Variants in TAOK2 observed in about 807,000 individuals in gnomAD.
TAOK2 encodes serine/threonine-protein kinase TAO2.
A neutral mutation model predicts 122.5 loss-of-function variants in TAOK2; 42 were observed. That is an observed-to-expected ratio of 0.34 (90% confidence interval 0.27 to 0.44). The LOEUF is 0.44. Ranked by LOEUF, TAOK2 falls within the 20% of genes least tolerant of loss-of-function variation. TAOK2 has a pLI of 1.00. For synonymous variants in TAOK2, 704 were observed against 677.6 expected, an observed-to-expected ratio of 1.04 and a Z score of -0.61; for missense variants, 1,264 against 1,644.9, an observed-to-expected ratio of 0.77 and a Z score of 4.01.
rs2150900567 is a variant in TAOK2, at chr16:29,985,594, T to C, written c.1788+16T>C. ...GCTGAAGGAGGTGAGCTAGGGCTGC[T>C]TGGGGGCGGAGCCGATGGCGAGCCA... On this transcript the variant is annotated intron_variant, in intron 14 of 15. Coordinates refer to ENST00000308893, the MANE Select transcript of TAOK2 (RefSeq NM_016151.4). The surrounding 1 kb of genome is among the most constrained non-coding windows in gnomAD (Gnocchi z 6.9). The C allele has an allele frequency of 1.2e-6, 2 of 1,602,780 alleles. No individual in the cohort carries two copies. Among genetic ancestry groups the C allele is most frequent in the Non-Finnish European group, 1.7e-6 (2 of 1,172,214 alleles).
At chr16:29,990,769 G>A, downstream of TAOK2, 2 of 1,597,050 alleles carry the variant, frequency 1.3e-6, no homozygotes, top group Non-Finnish European at 8.6e-7. Context: ...ACAACTGGTT[G>A]TTCATCTTCC....
chr16:29,978,906 G>T lies in TAOK2; in HGVS notation c.352+62G>T, dbSNP rs2069536905. ...AAGAGCAGGGGAGCCATAGGGAAGGGTTAAGGGGAGTTTATTCCAGTCCCA... is the reference window on the plus strand; with the variant it reads ...AAGAGCAGGGGAGCCATAGGGAAGGTTTAAGGGGAGTTTATTCCAGTCCCA... On this transcript the variant is annotated intron_variant, in intron 5 of 15. Coordinates refer to ENST00000308893, the MANE Select transcript of TAOK2 (RefSeq NM_016151.4). 8 of 1,613,440 alleles carry T rather than the reference G, an allele frequency of 5.0e-6. No individual in the cohort carries two copies. In the Admixed American group the frequency reaches 8.3e-5, roughly 17 times the overall value.
chr16:29,986,521 G>A lies in TAOK2; in HGVS notation c.2249G>A (p.Arg750His), dbSNP rs767834118. The change falls in exon 16 of 16, where the codon CGC (arginine) becomes CAC (histidine). Residue 750 changes from arginine to histidine, a missense_variant. Arg to His is a conservative substitution (Grantham distance 29). Coordinates refer to ENST00000308893, the MANE Select transcript of TAOK2 (RefSeq NM_016151.4). The surrounding 1 kb of genome is among the most constrained non-coding windows in gnomAD (Gnocchi z 4.2). ...PKSLKVRAGQRPPGLPLPIPG... is the reference protein window; with the variant it reads ...PKSLKVRAGQHPPGLPLPIPG... Reference sequence around the variant, plus strand: ...AGCCTCAAAGTACGTGCAGGCCAGCGCCCCCCGGGCCTTCCACTCCCCATT... The same window carrying A: ...AGCCTCAAAGTACGTGCAGGCCAGCACCCCCCGGGCCTTCCACTCCCCATT... 4.5e-5 allele frequency: 72 copies of A among 1,611,462 alleles called. No homozygotes were observed. The highest frequency in any genetic ancestry group is 5.8e-5 in the Non-Finnish European group (68 of 1,178,826).
At position 29,977,839 on chromosome 16, in the gene TAOK2, G is replaced by T; in HGVS notation, c.67G>T (p.Asp23Tyr). The T allele has an allele frequency of 6.2e-7, 1 of 1,614,192 alleles. No homozygotes were observed. Among genetic ancestry groups the T allele is most frequent in the South Asian group, 1.1e-5 (1 of 91,072 alleles). The change falls in exon 2 of 16, where the codon GAC becomes TAC. Residue 23 changes from aspartate to tyrosine, a missense_variant. This residue lies in a region of TAOK2 where 254 missense variants were observed against 503.8 expected (regional missense o/e 0.50). Coordinates refer to ENST00000308893, the MANE Select transcript of TAOK2 (RefSeq NM_016151.4). Reference protein sequence around the residue: ...PDVAELFFKDDPEKLFSDLRE... With the variant: ...PDVAELFFKDYPEKLFSDLRE... Reference sequence around the variant, plus strand: ...TGTGGCTGAGCTCTTCTTCAAGGATGACCCAGAAAAGCTCTTCTCTGACCT... The same window carrying T: ...TGTGGCTGAGCTCTTCTTCAAGGATTACCCAGAAAAGCTCTTCTCTGACCT...
rs375289466 is a variant in TAOK2 at position 29,987,793 on chromosome 16, C to G, written c.3521C>G (p.Pro1174Arg). 6.2e-7 allele frequency: 1 copy of G among 1,613,822 alleles called. No individual in the cohort carries two copies. Among genetic ancestry groups the G allele is most frequent in the Admixed American group, 1.7e-5 (1 of 60,016 alleles). ...CAGGGTTTAGCATCCCACTTGCCCC[C>G]GTGGGCCATCCACACACTGGCCAGC... ...ASQGLASHLP[P>R]WAIHTLASWG... The change falls in exon 16 of 16, where the codon CCG (proline) becomes CGG (arginine). Residue 1174 changes from proline (P) to arginine (R), a missense_variant. Pro to Arg is a moderately radical substitution (Grantham distance 103, BLOSUM62 -2). This residue lies in a region of TAOK2 where 824 missense variants were observed against 908.7 expected (regional missense o/e 0.91). Coordinates refer to ENST00000308893, the MANE Select transcript of TAOK2 (RefSeq NM_016151.4).
rs2069799424 is a variant in TAOK2, at chr16:29,986,516, C to A, written c.2244C>A (p.Gly748=). 6.2e-7 allele frequency: 1 copy of A among 1,611,426 alleles called. No homozygotes were observed. The highest frequency in any genetic ancestry group is 1.3e-5 in the African/African-American group (1 of 74,856). The change falls in exon 16 of 16, where the codon GGC becomes GGA. Residue 748 remains glycine (G), a synonymous_variant. Coordinates refer to ENST00000308893, the MANE Select transcript of TAOK2 (RefSeq NM_016151.4). This position sits in a 1 kb window ranked among gnomAD's most constrained non-coding sequence, Gnocchi z 4.2. ...QQPKSLKVRA[G]QRPPGLPLPI... ...CCAAGAGCCTCAAAGTACGTGCAGGCCAGCGCCCCCCGGGCCTTCCACTCC... is the reference window on the plus strand; with the variant it reads ...CCAAGAGCCTCAAAGTACGTGCAGGACAGCGCCCCCCGGGCCTTCCACTCC...
chr16:29,989,920 T>A (rs149295280), downstream of TAOK2: 2,186 of 914,530 alleles, frequency 2.4e-3, 95 homozygotes, highest in East Asian at 0.057. Context: ...CTTGGGAAAC[T>A]CACATACTCT....
downstream of TAOK2, chr16:29,989,388 T>C: frequency 1.0e-6 from 1 of 985,000 alleles, no homozygotes; most frequent in Non-Finnish European, 1.2e-6. Context: ...CCTCTCCATG[T>C]CTGTCTGTCT....
At chr16:29,990,037 C>A, downstream of TAOK2, 1 of 486,966 alleles carries the variant, frequency 2.1e-6, no homozygotes, top group South Asian at 2.6e-5. Flanking sequence ...GTGCCTATTC[C>A]CAAGAACCAC....
intron 8 of TAOK2, chr16:29,981,373 T>C (rs2069608937): frequency 1.7e-6 from 1 of 587,014 alleles, no homozygotes; most frequent in East Asian, 2.8e-5. Flanking sequence ...ACCTAAGAAA[T>C]ATTAGTTGGG....
In TAOK2 at chr16:29,974,543, G is replaced by A. The variant is rs2069394720; in HGVS notation, c.-141G>A. On this transcript the variant is annotated 5_prime_UTR_variant, in exon 1 of 16. Transcript: ENST00000308893. ...CAGGAAGGGCGAAAGCCGAGGAAGA[G>A]GTGGCAAGGGGAAAGGTCTCCTTGC... 6.6e-6 allele frequency: 1 copy of A among 152,614 alleles called. No homozygotes were observed. The highest frequency in any genetic ancestry group is 2.1e-4 in the South Asian group (1 of 4,830). 9.5% of individuals were successfully genotyped at this position (152,614 alleles called of 1,614,324 possible). A position where few individuals can be genotyped will look rare whatever the true frequency, so the allele number is the denominator to read the frequency against.
chr16:29,977,633 C>T, intron 1 of TAOK2, 105 bp from the exon 2 acceptor site: 3 of 1,094,928 alleles, frequency 2.7e-6, no homozygotes, highest in Non-Finnish European at 3.8e-6. Context: ...AGTGCCTCCT[C>T]CTCATCAGGG....
downstream of TAOK2, chr16:29,990,027 G>T: frequency 1.9e-6 from 1 of 533,434 alleles, no homozygotes; most frequent in Non-Finnish European, 3.3e-6. Flanking sequence ...ACAAAGCCAT[G>T]TGCCTATTCC....
chr16:29,981,620 C>T, intron 8 of TAOK2, 41 bp from the exon 9 acceptor site: 1 of 1,592,874 alleles, frequency 6.3e-7, no homozygotes, highest in South Asian at 1.1e-5. Context: ...CCTCTACCCC[C>T]TGCCACCTCT....
intron 1 of TAOK2, among the ~76,000 whole-genome samples, chr16:29,975,108 A>G (rs2069414199): frequency 6.6e-6 from 1 of 151,698 alleles, no homozygotes; most frequent in Non-Finnish European, 1.5e-5. Context: ...GTGTGTGTAT[A>G]TGTGTTTGTG....
At chr16:29,991,779 C>G (rs2069974702), downstream of TAOK2, 2 of 506,656 alleles carry the variant, frequency 3.9e-6, no homozygotes, top group African/African-American at 2.0e-5. The surrounding 1 kb of genome is among the most constrained non-coding windows in gnomAD (Gnocchi z 5.6). Context: ...CCTGGGAGCC[C>G]CGCCTCCCTA....
chr16:29,989,867 G>T (rs1204798557), downstream of TAOK2: 4 of 1,551,108 alleles, frequency 2.6e-6, no homozygotes, highest in East Asian at 7.0e-5. Context: ...TTGCTTTAGA[G>T]AAATGGACGG....
In TAOK2 at chr16:29,987,979, A is replaced by G; in HGVS notation, c.3707A>G (p.Ter1236TrpextTer10). The G allele has an allele frequency of 1.3e-6, 2 of 1,523,718 alleles. No individual in the cohort carries two copies. The highest frequency in any genetic ancestry group is 2.3e-5 in the East Asian group (1 of 44,178). 94.4% of individuals were successfully genotyped at this position (1,523,718 alleles called of 1,614,324 possible). The change falls in exon 16 of 16, where the codon TAG (stop) becomes TGG (tryptophan). Residue 1236 changes from the stop codon to tryptophan, a stop_lost. Transcript: ENST00000308893. ...RQSRALPPWR[*>W] is the part of the protein sequence containing the mutation. The stretch of plus-strand genomic sequence containing the variant: ...TCCCGGGCCCTGCCCCCCTGGAGGT[A>G]GCTGACTCCAGCCCTTCCAGCCCAA...
chr16:29,988,487 A>C, downstream of TAOK2: 1 of 1,199,768 alleles, frequency 8.3e-7, no homozygotes, highest in Admixed American at 3.7e-5. Flanking sequence ...CGGCTCCATG[A>C]CCTCTTCACC....
Sources: allele counts gnomAD v4.1 joint callset (sites outside exome capture counted in the v4.1 genomes callset), GRCh38; gene constraint gnomAD v4.1.1; regional missense constraint gnomAD v4.1.1; non-coding constraint Gnocchi (gnomAD v3.1); transcripts MANE v1.5; gene names NCBI Gene and HGNC (gene_info 2026-07-23, HGNC 2026-07-21).